The following TAFA2 variants were observed in gnomAD, a reference collection of about 807,000 sequenced individuals.
The protein encoded by TAFA2 is TAFA chemokine like family member 2, also known as chemokine-like protein TAFA-2.
TAFA2 carries 7 observed loss-of-function variants against 18.8 expected under a neutral mutation model. The ratio of observed to expected loss-of-function variants is 0.37; its 90% CI spans 0.21 to 0.70. The LOEUF is 0.70. TAFA2 is among the 30% of genes least tolerant of loss of function. The probability of loss-of-function intolerance (pLI) is 0.53; values close to 1 mark genes in which losing one functional copy is unlikely to be tolerated. For missense variants in TAFA2, 122 were observed against 158.1 expected (o/e 0.77, Z 1.23); for synonymous variants, 60 against 54.2 (o/e 1.11, Z -0.47).
chr12:62,149,158 T>C (rs2062307947), intron 1 of TAFA2, among the ~76,000 whole-genome samples: 1 of 152,238 alleles, frequency 6.6e-6, no homozygotes, highest in Admixed American at 6.5e-5. Context: ...CTATGTATTC[T>C]TGATATGAAC....
chr12:62,080,965 C>T (rs551160178), intron 1 of TAFA2, among the ~76,000 whole-genome samples: 17 of 152,262 alleles, frequency 1.1e-4, no homozygotes, highest in African/African-American at 4.1e-4. Context: ...GAGGCCAAGG[C>T]GGGCGGATCA....
At chr12:62,175,507 A>C (rs1019535838) in intron 1 of TAFA2, among the ~76,000 whole-genome samples, 5 of 152,148 alleles carry the variant, frequency 3.3e-5, no homozygotes, top group Non-Finnish European at 5.9e-5. Context: ...CATTTCTTCA[A>C]ACTTCACATT....
At chr12:62,088,983 T>C (rs889209486) in intron 1 of TAFA2, among the ~76,000 whole-genome samples, 2 of 152,058 alleles carry the variant, frequency 1.3e-5, no homozygotes, top group African/African-American at 4.8e-5. Flanking sequence ...ACAGTTCTTA[T>C]GATACATTAT....
chr12:61,738,290 A>AACACACACAC (rs369001355), intron 4 of TAFA2, among the ~76,000 whole-genome samples: 9,050 of 124,434 alleles, frequency 0.073, 421 homozygotes, highest in East Asian at 0.14. Flanking sequence ...TGAAAATGAA[A>AACACACACAC]ACACACACAC....
At chr12:61,807,059 T>C (rs1443762869) in intron 2 of TAFA2, among the ~76,000 whole-genome samples, 1 of 146,326 alleles carries the variant, frequency 6.8e-6, no homozygotes, top group Non-Finnish European at 1.5e-5. Flanking sequence ...AGGAGCCAAA[T>C]GTTAATCCCC....
At chr12:61,930,653 T>C (rs932479666) in intron 1 of TAFA2, among the ~76,000 whole-genome samples, 3 of 152,250 alleles carry the variant, frequency 2.0e-5, no homozygotes, top group Non-Finnish European at 4.4e-5. Context: ...CAACCATTTA[T>C]ATATTACTTT....
At chr12:62,195,086 G>A (rs953218829), upstream of TAFA2, among the ~76,000 whole-genome samples, 25 of 152,084 alleles carry the variant, frequency 1.6e-4, no homozygotes, top group Non-Finnish European at 2.8e-4. Context: ...GAATTGCTGT[G>A]GCGATTTCTT....
rs554594608 is a variant in TAFA2 at position 61,837,960 on chromosome 12, T to C, written c.106+29360A>G. ...TTGGCAGTGTGGCTCACAGAACTCA[T>C]TGAAAATTCTATGCTGCCACATCTA... On this transcript the variant is annotated intron_variant, in intron 2 of 4. Transcript: ENST00000416284. Among the ~76,000 whole-genome samples, 14 of 152,128 alleles carry C rather than the reference T, an allele frequency of 9.2e-5. No homozygotes were observed. In the East Asian group the frequency reaches 1.4e-3, roughly 15 times the overall value.
intron 4 of TAFA2, among the ~76,000 whole-genome samples, chr12:61,739,395 A>T (rs1365932319): frequency 6.6e-6 from 1 of 152,040 alleles, no homozygotes; most frequent in African/African-American, 2.4e-5. Context: ...TAACCTCAGA[A>T]AGGCTAAACC....
chr12:61,981,633 C>T (rs1048305081), intron 1 of TAFA2, among the ~76,000 whole-genome samples: 1 of 152,132 alleles, frequency 6.6e-6, no homozygotes, highest in African/African-American at 2.4e-5. Context: ...ACAGTCCCAT[C>T]AAACAGTGGG....
At chr12:62,226,848 C>G (rs902661221) in intron 1 of TAFA2, among the ~76,000 whole-genome samples, 8 of 152,168 alleles carry the variant, frequency 5.3e-5, no homozygotes, top group African/African-American at 1.9e-4. Flanking sequence ...CTGGCCCGTC[C>G]CCTGTAACCC....
At chr12:61,987,090 T>C (rs945898721) in intron 1 of TAFA2, among the ~76,000 whole-genome samples, 1 of 152,202 alleles carries the variant, frequency 6.6e-6, no homozygotes, top group African/African-American at 2.4e-5. Context: ...AAATAAAAAA[T>C]GTTCTGTAGT....
intron 1 of TAFA2, among the ~76,000 whole-genome samples, chr12:62,057,836 A>C (rs1882226614): frequency 6.6e-6 from 1 of 151,954 alleles, no homozygotes; most frequent in Admixed American, 6.6e-5. Context: ...TTATTGATTC[A>C]TGTGGTGGGT....
chr12:61,854,732 C>G (rs1319294112), intron 2 of TAFA2, among the ~76,000 whole-genome samples: 1 of 151,892 alleles, frequency 6.6e-6, no homozygotes, highest in Non-Finnish European at 1.5e-5. Flanking sequence ...AATTCCATAC[C>G]CAGCCAAACT....
At chr12:61,870,183 C>T (rs565779718) in intron 1 of TAFA2, among the ~76,000 whole-genome samples, 61 of 152,298 alleles carry the variant, frequency 4.0e-4, no homozygotes, top group African/African-American at 1.3e-3. Flanking sequence ...TTCGTAACAT[C>T]GTCACTCCTG....
chr12:61,745,330 T>C (rs1868650706), intron 4 of TAFA2, among the ~76,000 whole-genome samples: 1 of 152,068 alleles, frequency 6.6e-6, no homozygotes, highest in Non-Finnish European at 1.5e-5. Flanking sequence ...TTTCTAACCT[T>C]AATTCTACCA....
At position 62,141,684 on chromosome 12, in the gene TAFA2, T is replaced by C. The variant is rs575793014; in HGVS notation, c.-2+49575A>G. ...TCTGCTTTTTAAAACTTTCCTAAAC[T>C]GTAAACACTAAGAGATATGCAAGCC... On this transcript the variant is annotated intron_variant, in intron 1 of 4. Coordinates refer to ENST00000416284, the MANE Select transcript of TAFA2 (RefSeq NM_178539.5). Among the ~76,000 whole-genome samples, 4 of 152,334 alleles carry C rather than the reference T, an allele frequency of 2.6e-5. No homozygotes were observed. The South Asian group carries it at 8.3e-4, about 32-fold the overall frequency.
At chr12:62,020,680 T>A (rs1443224263) in intron 1 of TAFA2, among the ~76,000 whole-genome samples, 1 of 152,172 alleles carries the variant, frequency 6.6e-6, no homozygotes, top group Non-Finnish European at 1.5e-5. Flanking sequence ...CAGCTACTCA[T>A]TTAAGTTTTC....
At chr12:61,886,600 G>A (rs552247602) in intron 1 of TAFA2, among the ~76,000 whole-genome samples, 29 of 152,228 alleles carry the variant, frequency 1.9e-4, no homozygotes, top group African/African-American at 4.6e-4. Context: ...CACTGGGTCC[G>A]CAGAGTGGCA....
Sources: allele counts gnomAD v4.1 joint callset (sites outside exome capture counted in the v4.1 genomes callset), GRCh38; gene constraint gnomAD v4.1.1; transcripts MANE v1.5; gene names NCBI Gene and HGNC (gene_info 2026-07-23, HGNC 2026-07-21).